Variants in AMPH observed in about 807,000 individuals in gnomAD.
The protein encoded by AMPH is amphiphysin (Stiff-Mann syndrome with breast cancer 128kD autoantigen).
AMPH carries 49 observed loss-of-function variants against 99.1 expected under a neutral mutation model. The observed-to-expected ratio is 0.49, with a 90% CI of 0.39 to 0.63. The LOEUF is 0.63. Ranked by LOEUF, AMPH falls within the 20% of genes least tolerant of loss-of-function variation. The probability of loss-of-function intolerance (pLI) is 0.00; values close to 1 mark genes in which losing one functional copy is unlikely to be tolerated. For missense variants in AMPH, 759 were observed against 863.4 expected (o/e 0.88, Z 1.52); for synonymous variants, 314 against 317.3 (o/e 0.99, Z 0.11).
At chr7:38,610,321 GAAA>G (rs11317504) in intron 1 of AMPH, among the ~76,000 whole-genome samples, 1 of 25,732 alleles carries the variant, frequency 3.9e-5, no homozygotes, top group Admixed American at 4.5e-4. Flanking sequence ...GAAAAGAAAA[GAAA>G]AGAAAAGAAA....
intron 17 of AMPH, among the ~76,000 whole-genome samples, chr7:38,414,968 A>G (rs932946383): frequency 1.3e-5 from 2 of 152,120 alleles, no homozygotes; most frequent in Non-Finnish European, 2.9e-5. Flanking sequence ...CTGGCCCCAA[A>G]TCATTTTTTT....
At chr7:38,449,516 C>G (rs1786923725) in intron 11 of AMPH, among the ~76,000 whole-genome samples, 1 of 152,208 alleles carries the variant, frequency 6.6e-6, no homozygotes, top group South Asian at 2.1e-4. Context: ...GTTAGCAGCT[C>G]TGGAGTCAGA....
rs187001712 is a variant in AMPH at position 38,553,574 on chromosome 7, A to G, written c.70-18563T>C. The stretch of plus-strand genomic sequence containing the variant: ...CAGTGTGCATTTAAATATACATTAC[A>G]CTGAGTTAAAATTCTAAAGTCCTAA... On this transcript the variant is annotated intron_variant, in intron 1 of 20. Coordinates refer to ENST00000356264, the MANE Select transcript of AMPH (RefSeq NM_001635.4). Among the ~76,000 whole-genome samples, 15 of 152,364 alleles carry G rather than the reference A, an allele frequency of 9.8e-5. 1 individual carries two copies. Among genetic ancestry groups the G allele is most frequent in the Admixed American group, 9.8e-4 (15 of 15,308 alleles).
At chr7:38,436,415 T>C in intron 11 of AMPH, 27 bp from the exon 12 acceptor site, 6 of 1,534,164 alleles carry the variant, frequency 3.9e-6, no homozygotes, top group Non-Finnish European at 5.4e-6. Context: ...CAAAACAAAA[T>C]AAAACATGTA....
At chr7:38,441,806 A>C (rs111117259) in intron 11 of AMPH, among the ~76,000 whole-genome samples, 9,151 of 85,022 alleles carry the variant, frequency 0.11, 985 homozygotes, top group African/African-American at 0.17. Context: ...TATCATATAT[A>C]TATCATATAT....
At chr7:38,389,737 T>C (rs1294668896) in intron 20 of AMPH, 67 bp downstream of exon 20, 2 of 1,185,272 alleles carry the variant, frequency 1.7e-6, no homozygotes, top group Non-Finnish European at 2.5e-6. Flanking sequence ...TAGGAAGTGA[T>C]TGTGTCCAAC....
At chr7:38,554,855 G>A (rs768395289) in intron 1 of AMPH, among the ~76,000 whole-genome samples, 5 of 152,220 alleles carry the variant, frequency 3.3e-5, no homozygotes, top group Admixed American at 6.5e-5. Context: ...CTAAGCCAGA[G>A]TGAGAAGTCT....
intron 2 of AMPH, among the ~76,000 whole-genome samples, chr7:38,516,399 C>T (rs1388965978): frequency 6.6e-6 from 1 of 152,196 alleles, no homozygotes; most frequent in Non-Finnish European, 1.5e-5. Flanking sequence ...AAGTCTCAGA[C>T]CACTGCTCCA....
chr7:38,439,785 C>T (rs1786430325), intron 11 of AMPH, among the ~76,000 whole-genome samples: 1 of 152,144 alleles, frequency 6.6e-6, no homozygotes, highest in South Asian at 2.1e-4. Flanking sequence ...TTATAATCAT[C>T]TGTACTATGT....
intron 14 of AMPH, 92 bp from the exon 15 acceptor site, chr7:38,427,078 G>A: frequency 1.7e-6 from 2 of 1,171,072 alleles, no homozygotes; most frequent in African/African-American, 1.5e-5. Flanking sequence ...GGAAAGTAAA[G>A]ACTATCACAA....
chr7:38,457,606 A>G (rs1367053645), intron 11 of AMPH, among the ~76,000 whole-genome samples: 1 of 152,244 alleles, frequency 6.6e-6, no homozygotes, highest in Admixed American at 6.5e-5. Context: ...GAGGGCCAAG[A>G]GAGAACAAAT....
At chr7:38,429,232 T>A (rs1306703532) in intron 14 of AMPH, 2 of 1,288,078 alleles carry the variant, frequency 1.6e-6, no homozygotes, top group East Asian at 1.1e-4. Flanking sequence ...CAAGCAGCAA[T>A]GGCAACTCCA....
intron 1 of AMPH, among the ~76,000 whole-genome samples, chr7:38,551,221 T>C (rs2129046049): frequency 6.6e-6 from 1 of 152,246 alleles, no homozygotes; most frequent in Middle Eastern, 3.4e-3. Context: ...TTACATAAAA[T>C]AAGAAATAGG....
intron 3 of AMPH, among the ~76,000 whole-genome samples, chr7:38,502,626 C>T (rs768395060): frequency 6.6e-6 from 1 of 152,122 alleles, no homozygotes; most frequent in Non-Finnish European, 1.5e-5. Flanking sequence ...TTTTTGCAAA[C>T]GGATGTAGTT....
intron 1 of AMPH, among the ~76,000 whole-genome samples, chr7:38,605,592 T>C (rs1793406150): frequency 6.6e-6 from 1 of 151,646 alleles, no homozygotes; most frequent in Non-Finnish European, 1.5e-5. Context: ...TTTCTTTTTC[T>C]TGAAACGAAG....
At chr7:38,436,828 A>C (rs1168759535) in intron 11 of AMPH, among the ~76,000 whole-genome samples, 1 of 152,174 alleles carries the variant, frequency 6.6e-6, no homozygotes, top group East Asian at 1.9e-4. Context: ...GGGAAGCTAA[A>C]ATTTTAAAAG....
At position 38,461,305 on chromosome 7, in the gene AMPH, A is replaced by C; in HGVS notation, c.995T>G (p.Ile332Ser). Reference sequence around the variant, plus strand: ...TACCTGGGAAGGTGTTGTCACACTGATTTCTGGAACAAAGTTGTCCTCAAA... The same window carrying C: ...TACCTGGGAAGGTGTTGTCACACTGCTTTCTGGAACAAAGTTGTCCTCAAA... Reference protein sequence around the residue: ...SFFEDNFVPEISVTTPSQNEV... With the variant: ...SFFEDNFVPESSVTTPSQNEV... The change falls in exon 11 of 21, where the codon ATC becomes AGC. Residue 332 changes from isoleucine to serine, a missense_variant. Around this residue, in one of 2 missense-constraint regions of AMPH, gnomAD observed 554 missense variants for 575.6 expected, o/e 0.96. Transcript: ENST00000356264. The C allele has an allele frequency of 1.2e-6, 2 of 1,613,992 alleles. No individual in the cohort carries two copies. Among genetic ancestry groups the C allele is most frequent in the South Asian group, 2.2e-5 (2 of 91,066 alleles).
intron 1 of AMPH, among the ~76,000 whole-genome samples, chr7:38,563,135 A>ATGAG (rs1461509799): frequency 7.4e-5 from 1 of 13,504 alleles, no homozygotes; most frequent in African/African-American, 2.2e-4. Flanking sequence ...GCACTGAATG[A>ATGAG]TGAATGAATG....
intron 3 of AMPH, among the ~76,000 whole-genome samples, chr7:38,499,145 G>C (rs546321228): frequency 6.6e-6 from 1 of 152,146 alleles, no homozygotes; most frequent in Non-Finnish European, 1.5e-5. Flanking sequence ...CTCAATGCAC[G>C]TATCTATTAA....
Sources: allele counts gnomAD v4.1 joint callset (sites outside exome capture counted in the v4.1 genomes callset), GRCh38; gene constraint gnomAD v4.1.1; regional missense constraint gnomAD v4.1.1; transcripts MANE v1.5; gene names NCBI Gene and HGNC (gene_info 2026-07-23, HGNC 2026-07-21).